The following DEUP1 variants were observed in gnomAD, a reference collection of about 807,000 sequenced individuals.
The protein encoded by DEUP1 is coiled-coil domain containing 67.
Under a neutral mutation model 87.4 loss-of-function variants are expected in DEUP1, and 82 were observed. The ratio of observed to expected loss-of-function variants is 0.94; its 90% CI spans 0.78 to 1.13. The LOEUF (loss-of-function observed/expected upper bound fraction) is 1.13, where lower values mean the gene tolerates loss of function less well. Among genes scored for constraint, DEUP1 ranks in the 50% most tolerant of loss-of-function variants. The pLI is 0.00. For missense variants in DEUP1, 663 were observed against 681.5 expected (o/e 0.97, Z 0.30); for synonymous variants, 214 against 222.7 (o/e 0.96, Z 0.35).
chr11:93,335,323 T>C (rs2134879276), intron 2 of DEUP1, among the ~76,000 whole-genome samples: 1 of 152,380 alleles, frequency 6.6e-6, no homozygotes, highest in South Asian at 2.1e-4. Flanking sequence ...GGATCAACTT[T>C]TATTAATGTC....
At chr11:93,427,600 G>C (rs1947963865) in intron 13 of DEUP1, among the ~76,000 whole-genome samples, 1 of 150,680 alleles carries the variant, frequency 6.6e-6, no homozygotes, top group South Asian at 2.1e-4. Context: ...AAAAGCAATG[G>C]CAACAAAAGC....
intron 6 of DEUP1, 55 bp downstream of exon 6, chr11:93,370,241 C>A: frequency 2.2e-6 from 2 of 917,048 alleles, no homozygotes; most frequent in Non-Finnish European, 3.4e-6. Flanking sequence ...ATATTGGTAT[C>A]TTTACCATTC....
intron 13 of DEUP1, among the ~76,000 whole-genome samples, chr11:93,429,351 G>A (rs1948032929): frequency 6.6e-6 from 1 of 152,136 alleles, no homozygotes; most frequent in Admixed American, 6.5e-5. Flanking sequence ...TTTAAGTTAT[G>A]AGAAATTCTA....
At chr11:93,334,894 C>A (rs2134876452) in intron 2 of DEUP1, among the ~76,000 whole-genome samples, 1 of 151,706 alleles carries the variant, frequency 6.6e-6, no homozygotes, top group East Asian at 1.9e-4. Context: ...TTAAGAAAAC[C>A]TTCTCTAGGT....
chr11:93,353,582 C>T (rs965397476), intron 2 of DEUP1, among the ~76,000 whole-genome samples: 3 of 152,230 alleles, frequency 2.0e-5, no homozygotes, highest in Middle Eastern at 3.2e-3. Context: ...GGCCCCGCCC[C>T]GAAGCAAACT....
chr11:93,434,659 T>C (rs1948189674), intron 13 of DEUP1, among the ~76,000 whole-genome samples: 1 of 152,148 alleles, frequency 6.6e-6, no homozygotes, highest in African/African-American at 2.4e-5. Context: ...GGTAGAAGCA[T>C]TCCGCCTCTA....
At chr11:93,390,371 G>A (rs1014821798) in intron 9 of DEUP1, among the ~76,000 whole-genome samples, 3 of 152,158 alleles carry the variant, frequency 2.0e-5, no homozygotes, top group Non-Finnish European at 4.4e-5. Flanking sequence ...TAATATGAAA[G>A]ACAGGTACTG....
At chr11:93,369,045 CAG>C (rs1278600662) in intron 5 of DEUP1, among the ~76,000 whole-genome samples, 4 of 152,130 alleles carry the variant, frequency 2.6e-5, no homozygotes, top group Non-Finnish European at 5.9e-5. Flanking sequence ...GATGGGGACA[CAG>C]AGCCAAACCA....
rs1317732612 is a variant in DEUP1, at chr11:93,408,344, A to C, written c.1440A>C (p.Ser480=). The C allele has an allele frequency of 8.2e-6, 13 of 1,576,602 alleles. No individual in the cohort carries two copies. The highest frequency in any genetic ancestry group is 1.1e-5 in the Non-Finnish European group (13 of 1,160,020). The part of the protein sequence containing the change: ...DLAKLHVNGK[S]TWTNQNTYEE... ...CAAAACTTCATGTCAATGGAAAATC[A>C]ACCTGGACTAATCAAAACACCTATG... Residue 480 remains serine (S), a synonymous_variant, in exon 12 of 14, where the codon TCA becomes TCC. Coordinates refer to ENST00000298050, the MANE Select transcript of DEUP1 (RefSeq NM_181645.4).
At chr11:93,427,475 C>G (rs1322277098) in intron 13 of DEUP1, among the ~76,000 whole-genome samples, 2 of 152,000 alleles carry the variant, frequency 1.3e-5, no homozygotes, top group Non-Finnish European at 2.9e-5. Context: ...AAAATTAATT[C>G]AAGATGGATT....
chr11:93,349,317 C>T (rs908994591), intron 2 of DEUP1, among the ~76,000 whole-genome samples: 1 of 152,072 alleles, frequency 6.6e-6, no homozygotes, highest in Admixed American at 6.6e-5. Flanking sequence ...AAAAATTAAA[C>T]AAGCACAAGA....
chr11:93,346,730 T>C (rs1944368766), intron 2 of DEUP1, among the ~76,000 whole-genome samples: 1 of 152,210 alleles, frequency 6.6e-6, no homozygotes, highest in African/African-American at 2.4e-5. Flanking sequence ...GAGCAGTGTT[T>C]TGTAATTCTC....
intron 7 of DEUP1, among the ~76,000 whole-genome samples, chr11:93,380,194 C>G (rs994760846): frequency 1.6e-4 from 24 of 152,182 alleles, no homozygotes; most frequent in African/African-American, 5.5e-4. Flanking sequence ...GTCAATAGTG[C>G]TAAAATTGAT....
chr11:93,392,245 ACT>A (rs748162406), intron 9 of DEUP1, among the ~76,000 whole-genome samples: 1 of 152,100 alleles, frequency 6.6e-6, no homozygotes, highest in Non-Finnish European at 1.5e-5. Flanking sequence ...AACCCCTAAA[ACT>A]CAGGTTTTTC....
chr11:93,385,367 G>A, intron 7 of DEUP1, 31 bp from the exon 8 acceptor site: 4 of 1,608,146 alleles, frequency 2.5e-6, no homozygotes, highest in Non-Finnish European at 3.4e-6. Context: ...AACCAACAAT[G>A]AGCATGAAAT....
chr11:93,410,480 G>T (rs1306939141), intron 12 of DEUP1, among the ~76,000 whole-genome samples: 1 of 152,160 alleles, frequency 6.6e-6, no homozygotes, highest in East Asian at 1.9e-4. Flanking sequence ...AGTACTTATG[G>T]ATTCATTCTC....
intron 13 of DEUP1, among the ~76,000 whole-genome samples, chr11:93,428,749 T>C (rs11020354): frequency 0.35 from 53,271 of 152,072 alleles, 9,993 homozygotes; most frequent in African/African-American, 0.48. Context: ...ATCTCTTTTG[T>C]ATTTACTGAT....
chr11:93,384,871 TTC>T (rs1258333243), intron 7 of DEUP1, among the ~76,000 whole-genome samples: 7 of 152,218 alleles, frequency 4.6e-5, no homozygotes, highest in Admixed American at 4.6e-4. Context: ...TGAGAACAGG[TTC>T]TGTGTCTGTA....
intron 2 of DEUP1, among the ~76,000 whole-genome samples, chr11:93,338,849 T>C (rs1265147300): frequency 2.6e-5 from 4 of 152,100 alleles, no homozygotes; most frequent in African/African-American, 7.2e-5. Context: ...CAGAATTAGA[T>C]AGAAATGAGG....
Sources: allele counts gnomAD v4.1 joint callset (sites outside exome capture counted in the v4.1 genomes callset), GRCh38; gene constraint gnomAD v4.1.1; transcripts MANE v1.5; gene names NCBI Gene and HGNC (gene_info 2026-07-23, HGNC 2026-07-21).